The following CSMD1 variants were observed in gnomAD, a reference collection of about 807,000 sequenced individuals.
The protein encoded by CSMD1 is CUB and Sushi multiple domains 1, also known as CUB and sushi domain-containing protein 1.
A neutral mutation model predicts 417.5 loss-of-function variants in CSMD1; 213 were observed. The ratio of observed to expected loss-of-function variants is 0.51; its 90% CI spans 0.46 to 0.57. The LOEUF is 0.57. Ranked by LOEUF, CSMD1 falls within the 20% of genes least tolerant of loss-of-function variation. CSMD1 has a pLI of 0.00. For missense variants in CSMD1, 6,923 were observed against 4,529.7 expected (o/e 1.53, Z -15.17); for synonymous variants, 2,862 against 1,736.8 (o/e 1.65, Z -16.11).
intron 12 of CSMD1, among the ~76,000 whole-genome samples, chr8:3,434,822 G>C (rs1814443477): frequency 6.6e-6 from 1 of 152,154 alleles, no homozygotes; most frequent in Non-Finnish European, 1.5e-5. Context: ...ATTTCTATGA[G>C]TCAGAGTGCT....
At chr8:3,300,570 C>T (rs541175297) in intron 25 of CSMD1, among the ~76,000 whole-genome samples, 2 of 152,108 alleles carry the variant, frequency 1.3e-5, no homozygotes. Flanking sequence ...ACCCAGCAAA[C>T]AAATTTCCTA....
chr8:4,540,006 G>C (rs1797299661), intron 2 of CSMD1, among the ~76,000 whole-genome samples: 1 of 152,104 alleles, frequency 6.6e-6, no homozygotes, highest in Non-Finnish European at 1.5e-5. Context: ...CGCTCACCGG[G>C]GCCCTCTTCC....
intron 3 of CSMD1, among the ~76,000 whole-genome samples, chr8:4,177,749 T>A: frequency 6.6e-6 from 1 of 150,732 alleles, no homozygotes; most frequent in Non-Finnish European, 1.5e-5. Context: ...AAAGGGGATA[T>A]CACCACCGAT....
chr8:4,151,678 A>T (rs987248259), intron 3 of CSMD1, among the ~76,000 whole-genome samples: 1 of 152,210 alleles, frequency 6.6e-6, no homozygotes, highest in Admixed American at 6.5e-5. Context: ...ATTATAGGTG[A>T]AAAAAATCCA....
chr8:3,999,632 A>T (rs772980805), intron 4 of CSMD1, among the ~76,000 whole-genome samples: 4 of 152,180 alleles, frequency 2.6e-5, no homozygotes, highest in Non-Finnish European at 5.9e-5. Context: ...AGTTTGGAGT[A>T]TTGCATTTCC....
chr8:4,274,829 CT>C (rs1195269785), intron 3 of CSMD1, among the ~76,000 whole-genome samples: 1 of 152,062 alleles, frequency 6.6e-6, no homozygotes, highest in Non-Finnish European at 1.5e-5. Context: ...GACTGCTTTG[CT>C]TTGAAAACTA....
intron 1 of CSMD1, among the ~76,000 whole-genome samples, chr8:4,870,436 A>G (rs1802671893): frequency 6.6e-6 from 1 of 152,176 alleles, no homozygotes; most frequent in South Asian, 2.1e-4. Flanking sequence ...ATAGTATTCC[A>G]TAACTTGAAT....
chr8:3,283,241 C>T (rs9650473), intron 26 of CSMD1, among the ~76,000 whole-genome samples: 109,560 of 151,848 alleles, frequency 0.72, 40,495 homozygotes, highest in Admixed American at 0.82. Context: ...AGAATCAAAG[C>T]GTGTTTGATT....
chr8:4,058,526 T>C (rs952685097), intron 3 of CSMD1, among the ~76,000 whole-genome samples: 1 of 152,152 alleles, frequency 6.6e-6, no homozygotes, highest in East Asian at 1.9e-4. Context: ...TACCCTTTAT[T>C]TCCTTCTCCT....
chr8:4,084,815 T>A (rs1049116073), intron 3 of CSMD1, among the ~76,000 whole-genome samples: 1 of 147,830 alleles, frequency 6.8e-6, no homozygotes, highest in East Asian at 2.1e-4. Context: ...AAAATTCCAG[T>A]GCCTCAAGAC....
chr8:3,316,765 C>T (rs564583080), intron 23 of CSMD1, among the ~76,000 whole-genome samples: 4 of 152,100 alleles, frequency 2.6e-5, no homozygotes, highest in African/African-American at 9.6e-5. Context: ...GGCTGCAGCA[C>T]CAAGGAGTGG....
intron 2 of CSMD1, among the ~76,000 whole-genome samples, chr8:4,577,556 C>T (rs1241568917): frequency 6.6e-6 from 1 of 152,184 alleles, no homozygotes; most frequent in African/African-American, 2.4e-5. Flanking sequence ...CGGCATCCTT[C>T]CTCCGGGTGT....
At chr8:3,070,001 C>T (rs371737606) in intron 49 of CSMD1, among the ~76,000 whole-genome samples, 9 of 152,208 alleles carry the variant, frequency 5.9e-5, no homozygotes, top group East Asian at 1.9e-4. Flanking sequence ...TTGCACCCTT[C>T]GGAACGGGGT....
At chr8:3,710,188 G>A (rs5003046) in intron 6 of CSMD1, among the ~76,000 whole-genome samples, 50,042 of 151,396 alleles carry the variant, frequency 0.33, 8,405 homozygotes, top group East Asian at 0.49. Context: ...TTTAATTGTC[G>A]CAAATTTCCA....
intron 23 of CSMD1, among the ~76,000 whole-genome samples, chr8:3,318,863 C>A (rs76965088): frequency 2.0e-5 from 3 of 152,098 alleles, no homozygotes; most frequent in African/African-American, 4.8e-5. Context: ...GTGCTTTCCA[C>A]GGGGCAGGTG....
intron 3 of CSMD1, among the ~76,000 whole-genome samples, chr8:4,049,658 G>C (rs2740893): frequency 2.0e-5 from 3 of 152,068 alleles, no homozygotes; most frequent in Admixed American, 6.6e-5. Flanking sequence ...TTTACTAATC[G>C]ACAAGCATAG....
intron 2 of CSMD1, among the ~76,000 whole-genome samples, chr8:4,500,335 G>A (rs1802197164): frequency 6.6e-6 from 1 of 152,180 alleles, no homozygotes; most frequent in Non-Finnish European, 1.5e-5. Context: ...CCACCACACA[G>A]TAGAATCACT....
chr8:3,911,630 C>G (rs1808475541), intron 5 of CSMD1, among the ~76,000 whole-genome samples: 1 of 151,950 alleles, frequency 6.6e-6, no homozygotes, highest in East Asian at 1.9e-4. Context: ...CGATTAATAA[C>G]TAGGAGTGGC....
chr8:3,786,651 G>C (rs908265143), intron 5 of CSMD1, among the ~76,000 whole-genome samples: 1 of 152,124 alleles, frequency 6.6e-6, no homozygotes, highest in Non-Finnish European at 1.5e-5. Context: ...CACTCGAGAT[G>C]CTATGATAAA....
Sources: allele counts gnomAD v4.1 joint callset (sites outside exome capture counted in the v4.1 genomes callset), GRCh38; gene constraint gnomAD v4.1.1; transcripts MANE v1.5; gene names NCBI Gene and HGNC (gene_info 2026-07-23, HGNC 2026-07-21).